Variants in DERPC observed in about 807,000 individuals in gnomAD.
DERPC encodes decreased expression in renal and prostate cancer protein.
Under a neutral mutation model 7.2 loss-of-function variants are expected in DERPC, and 1 was observed. The ratio of observed to expected loss-of-function variants is 0.14; its 90% CI spans 0.05 to 0.66. DERPC has a LOEUF of 0.66. Among genes scored for constraint, DERPC ranks in the 30% least tolerant of loss-of-function variants. The probability of loss-of-function intolerance (pLI) is 0.84; values close to 1 mark genes in which losing one functional copy is unlikely to be tolerated. For synonymous variants in DERPC, 185 were observed against 117.6 expected (o/e 1.57, Z -3.71); for missense variants, 502 against 299.4 (o/e 1.68, Z -4.99).
At chr16:69,122,915 G>A (rs1375842342) in intron 1 of DERPC, among the ~76,000 whole-genome samples, 1 of 151,986 alleles carries the variant, frequency 6.6e-6, no homozygotes, top group Admixed American at 6.6e-5. Context: ...CTGACCTCAG[G>A]TGATCCACCC....
chr16:69,127,601 C>CTTTTTTT (rs71383961), intron 1 of DERPC, among the ~76,000 whole-genome samples: 6 of 104,388 alleles, frequency 5.7e-5, no homozygotes, highest in Non-Finnish European at 1.1e-4. Context: ...CTCCCGGCAA[C>CTTTTTTT]TTTTTTTTTT....
At chr16:69,122,731 G>A (rs1018388233) in intron 1 of DERPC, among the ~76,000 whole-genome samples, 1 of 151,924 alleles carries the variant, frequency 6.6e-6, no homozygotes, top group African/African-American at 2.4e-5. Context: ...TAGTAGAGAC[G>A]AGGTTTCTTC....
In DERPC at chr16:69,119,969, C is replaced by T. The variant is rs1285352159; in HGVS notation, c.460G>A (p.Gly154Ser). 1.4e-6 allele frequency: 1 copy of T among 700,064 alleles called. No individual in the cohort carries two copies. The highest frequency in any genetic ancestry group is 2.0e-5 in the Admixed American group (1 of 49,948). The allele number at this position is 700,064 out of a possible 1,614,324, so 43.4% of individuals were successfully genotyped here. ...NPRLGGLPGPGPMSNPRAGGL... is the reference protein window; with the variant it reads ...NPRLGGLPGPSPMSNPRAGGL... ...CCTGCCCTTGGGTTGGACATAGGAC[C>T]TGGTCCTGGGAGACCCCCTAACCTG... The change falls in exon 3 of 3, where the codon GGT becomes AGT. Residue 154 changes from glycine (G) to serine (S), a missense_variant. Gly to Ser is a moderately conservative substitution (Grantham distance 56, BLOSUM62 0). Coordinates refer to ENST00000519520, the MANE Select transcript of DERPC (RefSeq NM_001002847.4).
intron 1 of DERPC, among the ~76,000 whole-genome samples, chr16:69,130,237 A>C (rs1187758298): frequency 6.6e-6 from 1 of 152,242 alleles, no homozygotes; most frequent in Non-Finnish European, 1.5e-5. Flanking sequence ...AGCAAAAAAG[A>C]GGCTTTGACT....
chr16:69,127,892 G>A (rs1962193998), intron 1 of DERPC, among the ~76,000 whole-genome samples: 1 of 151,612 alleles, frequency 6.6e-6, no homozygotes, highest in African/African-American at 2.4e-5. Flanking sequence ...TTACAGGCGT[G>A]AACCACCGTG....
intron 2 of DERPC, 62 bp downstream of exon 2, chr16:69,121,374 T>C (rs1032708037): frequency 1.4e-6 from 2 of 1,441,510 alleles, no homozygotes; most frequent in Non-Finnish European, 1.9e-6. Context: ...TCCAGACACA[T>C]GGCACACCTC....
Position 69,118,770 on chromosome 16 carries a change from C to T in DERPC, c.*84G>A. On this transcript the variant is annotated 3_prime_UTR_variant, in exon 3 of 3. Transcript: ENST00000519520. Reference sequence around the variant, plus strand: ...AGCTATGTTCTTCAGACTGTAGCTCCACAACTACCCTTTTACCTAAGACAG... The same window carrying T: ...AGCTATGTTCTTCAGACTGTAGCTCTACAACTACCCTTTTACCTAAGACAG... 1 of 639,810 alleles carries T rather than the reference C, an allele frequency of 1.6e-6. No homozygotes were observed. Among genetic ancestry groups the T allele is most frequent in the South Asian group, 1.8e-5 (1 of 55,550 alleles). The allele number at this position is 639,810 out of a possible 1,614,324, so 39.6% of individuals were successfully genotyped here. A position where few individuals can be genotyped will look rare whatever the true frequency, so the allele number is the denominator to read the frequency against.
At chr16:69,131,267 A>T (rs892247224) in intron 1 of DERPC, 3 of 152,172 alleles carry the variant, frequency 2.0e-5, no homozygotes, top group Non-Finnish European at 4.4e-5. Flanking sequence ...ATCACATTTT[A>T]GGATTCCCAC....
chr16:69,124,222 T>C (rs1380159577), intron 1 of DERPC, among the ~76,000 whole-genome samples: 1 of 152,208 alleles, frequency 6.6e-6, no homozygotes, highest in African/African-American at 2.4e-5. Flanking sequence ...GACAATTGGC[T>C]TCACTTTCTG....
At position 69,119,489 on chromosome 16, in the gene DERPC, CCATGGG is replaced by C. The variant is rs1961450187; in HGVS notation, c.934_939del (p.Pro312_Met313del). ...CGAGAGCTAGGACCCGAGTTTGGGCCCATGGGGCCAGGTACTCTTGCCATGGAGGAT... is the reference window on the plus strand; with the variant it reads ...CGAGAGCTAGGACCCGAGTTTGGGCCGCCAGGTACTCTTGCCATGGAGGAT... On this transcript the variant is annotated inframe_deletion, in exon 3 of 3. Transcript: ENST00000519520. The C allele has an allele frequency of 1.4e-6, 1 of 702,890 alleles. No homozygotes were observed. Among genetic ancestry groups the C allele is most frequent in the South Asian group, 1.5e-5 (1 of 67,610 alleles). The allele number at this position is 702,890 out of a possible 1,614,324, so 43.5% of individuals were successfully genotyped here. A position where few individuals can be genotyped will look rare whatever the true frequency, so the allele number is the denominator to read the frequency against.
chr16:69,124,569 GC>G (rs1961923920), intron 1 of DERPC, among the ~76,000 whole-genome samples: 1 of 150,992 alleles, frequency 6.6e-6, no homozygotes, highest in African/African-American at 2.4e-5. Flanking sequence ...GATTACAGGC[GC>G]CCGCCACCAC....
chr16:69,121,001 G>T, intron 2 of DERPC: 2 of 1,473,276 alleles, frequency 1.4e-6, no homozygotes, highest in Non-Finnish European at 1.9e-6. Context: ...GCACCACCTT[G>T]GTGTAGCTTG....
At chr16:69,128,001 G>A (rs891148843) in intron 1 of DERPC, among the ~76,000 whole-genome samples, 5 of 151,816 alleles carry the variant, frequency 3.3e-5, no homozygotes, top group African/African-American at 4.8e-5. Flanking sequence ...TGCAACCTCC[G>A]CTGCCCAGGA....
At chr16:69,126,696 A>G (rs1455319556) in intron 1 of DERPC, among the ~76,000 whole-genome samples, 2 of 152,228 alleles carry the variant, frequency 1.3e-5, no homozygotes, top group African/African-American at 2.4e-5. Context: ...TAGGTAATTT[A>G]TACGCACGTG....
At chr16:69,128,876 C>T (rs773790935) in intron 1 of DERPC, among the ~76,000 whole-genome samples, 11 of 151,564 alleles carry the variant, frequency 7.3e-5, no homozygotes, top group Middle Eastern at 3.5e-3. Context: ...TCAGCTTGAC[C>T]AACATGGTGA....
At chr16:69,121,077 CAGG>C (rs754295049) in intron 2 of DERPC, 11 of 1,613,912 alleles carry the variant, frequency 6.8e-6, no homozygotes, top group Admixed American at 6.7e-5. Flanking sequence ...GTAGGTCTCC[CAGG>C]AGGTTTCCAG....
chr16:69,127,028 C>G (rs1597118504), intron 1 of DERPC, among the ~76,000 whole-genome samples: 1 of 152,190 alleles, frequency 6.6e-6, no homozygotes, highest in East Asian at 1.9e-4. Flanking sequence ...GGGCAGATAA[C>G]CTGAAGTCAG....
At chr16:69,127,549 T>C (rs955203576) in intron 1 of DERPC, among the ~76,000 whole-genome samples, 27 of 150,622 alleles carry the variant, frequency 1.8e-4, no homozygotes, top group African/African-American at 5.6e-4. Flanking sequence ...GAATACGCTA[T>C]ACATGAAGTC....
rs1203964900 is a variant in DERPC at position 69,120,005 on chromosome 16, G to A, written c.424C>T (p.Leu142=). The A allele has an allele frequency of 4.3e-6, 3 of 693,596 alleles. No individual in the cohort carries two copies. The highest frequency in any genetic ancestry group is 7.9e-6 in the Non-Finnish European group (3 of 379,132). 43.0% of individuals were successfully genotyped at this position (693,596 alleles called of 1,614,324 possible). The change falls in exon 3 of 3, where the codon CTG becomes TTG. Residue 142 remains leucine (L), a synonymous_variant. Transcript: ENST00000519520. This position sits in a 1 kb window ranked among gnomAD's most constrained non-coding sequence, Gnocchi z 4.0. ...RTGALPGPGP[L]SNPRLGGLPG... Reference sequence around the variant, plus strand: ...AGACCCCCTAACCTGGGGTTAGACAGAGGCCCTGGGCCTGGCAGAGCCCCT... The same window carrying A: ...AGACCCCCTAACCTGGGGTTAGACAAAGGCCCTGGGCCTGGCAGAGCCCCT...
Sources: gnomAD v4.1 joint callset for allele counts (sites outside exome capture counted in the v4.1 genomes callset) on GRCh38, gnomAD v4.1.1 for gene constraint, Gnocchi (gnomAD v3.1) non-coding constraint, MANE v1.5 for transcripts, NCBI Gene and HGNC (gene_info 2026-07-23, HGNC 2026-07-21) for gene names.